Variants in RANBP2 observed in about 807,000 individuals in gnomAD.
RANBP2 encodes E3 SUMO-protein ligase RanBP2.
In RANBP2, 57 loss-of-function variants were observed where a neutral mutation model predicts 303.6. The observed-to-expected ratio is 0.19, with a 90% CI of 0.15 to 0.23. RANBP2 has a LOEUF of 0.23. Ranked by LOEUF, RANBP2 falls within the 10% of genes least tolerant of loss-of-function variation. RANBP2 has a pLI of 1.00. For synonymous variants in RANBP2, 1,167 were observed against 1,301.5 expected, an observed-to-expected ratio of 0.90 and a Z score of 2.23; for missense variants, 3,138 against 3,780.8, an observed-to-expected ratio of 0.83 and a Z score of 4.46.
the RANBP2 span, among the ~76,000 whole-genome samples, chr2:109,211,578 A>G: frequency 6.6e-6 from 1 of 152,020 alleles, no homozygotes; most frequent in African/African-American, 2.4e-5. Context: ...TACGTGCTGG[A>G]GAGCACAGCA....
chr2:109,588,952 AAGAAGAAAATGAAAGGACAATGGCAC>A, the RANBP2 span, among the ~76,000 whole-genome samples: 5 of 152,248 alleles, frequency 3.3e-5, no homozygotes, highest in African/African-American at 1.2e-4. Flanking sequence ...GAAGGTAGGA[AAGAAGAAAATGAAAGGACAATGGCAC>A]ATATAGAAAA....
the RANBP2 span, among the ~76,000 whole-genome samples, chr2:109,328,513 T>A: frequency 6.6e-6 from 1 of 151,964 alleles, no homozygotes; most frequent in Non-Finnish European, 1.5e-5. Flanking sequence ...TGTTTACACA[T>A]GTTTGTTTTT....
At chr2:108,992,586 A>C in the RANBP2 span, among the ~76,000 whole-genome samples, 1 of 152,226 alleles carries the variant, frequency 6.6e-6, no homozygotes, top group African/African-American at 2.4e-5. Flanking sequence ...TCACCACAGC[A>C]AGTAAACTTC....
chr2:109,436,511 A>G, the RANBP2 span, among the ~76,000 whole-genome samples: 3 of 152,142 alleles, frequency 2.0e-5, no homozygotes, highest in Non-Finnish European at 4.4e-5. Flanking sequence ...CCTTTCCCCA[A>G]TGTGCTGGAT....
chr2:109,190,473 C>T, the RANBP2 span, among the ~76,000 whole-genome samples: 1 of 152,166 alleles, frequency 6.6e-6, no homozygotes, highest in Non-Finnish European at 1.5e-5. Flanking sequence ...TGCGCCTGGT[C>T]GACATCCTAT....
At chr2:109,005,742 T>C in the RANBP2 span, among the ~76,000 whole-genome samples, 3 of 152,202 alleles carry the variant, frequency 2.0e-5, no homozygotes, top group Admixed American at 1.3e-4. Flanking sequence ...AGCTGGAGCA[T>C]GGGGCACTGG....
At chr2:108,863,588 C>G in the RANBP2 span, among the ~76,000 whole-genome samples, 3 of 152,106 alleles carry the variant, frequency 2.0e-5, no homozygotes, top group Non-Finnish European at 4.4e-5. Context: ...AGATCTTTTT[C>G]TTTCTATTCT....
the RANBP2 span, among the ~76,000 whole-genome samples, chr2:109,777,635 CTGAA>C: frequency 1.7e-5 from 2 of 119,182 alleles, no homozygotes; most frequent in Non-Finnish European, 3.5e-5. Flanking sequence ...TGCATATTCT[CTGAA>C]TGATAGTCCT....
chr2:109,641,806 G>GTATTT, the RANBP2 span, among the ~76,000 whole-genome samples: 8 of 151,854 alleles, frequency 5.3e-5, no homozygotes, highest in Non-Finnish European at 1.2e-4. Flanking sequence ...CAATGTGAAT[G>GTATTT]TATTTTATTT....
chr2:108,995,681 G>A, the RANBP2 span, among the ~76,000 whole-genome samples: 10 of 152,274 alleles, frequency 6.6e-5, no homozygotes, highest in South Asian at 1.7e-3. Flanking sequence ...ATGTTGCCGC[G>A]TGCTTCAGAA....
chr2:109,120,758 A>G, the RANBP2 span, among the ~76,000 whole-genome samples: 2 of 151,514 alleles, frequency 1.3e-5, no homozygotes, highest in Admixed American at 6.6e-5. Flanking sequence ...TTTGTATACC[A>G]AGAGGTACGG....
At chr2:108,972,389 C>T in the RANBP2 span, among the ~76,000 whole-genome samples, 1 of 152,246 alleles carries the variant, frequency 6.6e-6, no homozygotes, top group Non-Finnish European at 1.5e-5. Flanking sequence ...GTGGTCTCCA[C>T]TCCTTCCTCA....
chr2:109,377,138 G>C, the RANBP2 span, among the ~76,000 whole-genome samples: 41 of 152,310 alleles, frequency 2.7e-4, no homozygotes, highest in African/African-American at 9.1e-4. Context: ...GTTTATTCTT[G>C]GCGTTTCCCA....
At chr2:109,388,514 T>C in the RANBP2 span, among the ~76,000 whole-genome samples, 1 of 152,174 alleles carries the variant, frequency 6.6e-6, no homozygotes, top group East Asian at 1.9e-4. Context: ...ACCCTGTGTC[T>C]GAAGTGTGAT....
the RANBP2 span, among the ~76,000 whole-genome samples, chr2:109,683,070 A>T: frequency 6.6e-6 from 1 of 152,110 alleles, no homozygotes; most frequent in Non-Finnish European, 1.5e-5. Flanking sequence ...CAGTGGCGTG[A>T]TGTCGGCTCA....
At chr2:108,754,269 T>C (rs1368878325) in intron 15 of RANBP2, among the ~76,000 whole-genome samples, 1 of 151,366 alleles carries the variant, frequency 6.6e-6, no homozygotes, top group Non-Finnish European at 1.5e-5. Flanking sequence ...AAAACAAATA[T>C]TATAACCTCA....
the RANBP2 span, among the ~76,000 whole-genome samples, chr2:108,858,044 C>A: frequency 6.6e-6 from 1 of 152,098 alleles, no homozygotes; most frequent in Non-Finnish European, 1.5e-5. Flanking sequence ...TACCATTGTC[C>A]AGGTTACTCT....
At chr2:108,923,980 C>T in the RANBP2 span, among the ~76,000 whole-genome samples, 36 of 152,340 alleles carry the variant, frequency 2.4e-4, no homozygotes, top group African/African-American at 8.4e-4. Flanking sequence ...AGGAGACAGA[C>T]GGTTGTGCTG....
At chr2:108,909,348 C>G in the RANBP2 span, among the ~76,000 whole-genome samples, 1 of 152,178 alleles carries the variant, frequency 6.6e-6, no homozygotes, top group Non-Finnish European at 1.5e-5. Flanking sequence ...TGCAGGGTGA[C>G]CAGGTCCTGC....
Sources: allele counts gnomAD v4.1 joint callset (sites outside exome capture counted in the v4.1 genomes callset), GRCh38; gene constraint gnomAD v4.1.1; transcripts MANE v1.5; gene names NCBI Gene and HGNC (gene_info 2026-07-23, HGNC 2026-07-21).